Variants in ADGRA1 observed in about 807,000 individuals in gnomAD.
ADGRA1 encodes adhesion G protein-coupled receptor A1.
A neutral mutation model predicts 21.3 loss-of-function variants in ADGRA1; 12 were observed. That is an observed-to-expected ratio of 0.56 (90% CI 0.36 to 0.91). ADGRA1 has a LOEUF of 0.91. Ranked by LOEUF, ADGRA1 falls within the 40% of genes least tolerant of loss-of-function variation. The pLI, the probability that ADGRA1 is intolerant of heterozygous loss-of-function variation, is 0.01. For synonymous variants in ADGRA1, 385 were observed against 368.8 expected, an observed-to-expected ratio of 1.04 and a Z score of -0.50; for missense variants, 790 against 805.6, an observed-to-expected ratio of 0.98 and a Z score of 0.23.
rs368275032 is a variant in ADGRA1, at chr10:133,098,884, G to A, written c.255+121G>A. ...TTTCCCGGGAAGAGGGTCGGACCCT[G>A]GCACATCGGTGTCTCGGCTTCACGC... On this transcript the variant is annotated intron_variant, in intron 4 of 6. Transcript: ENST00000392607. The A allele has an allele frequency of 1.5e-3, 1,958 of 1,329,742 alleles. 51 individuals carry two copies. The South Asian group carries it at 0.026, about 17-fold the overall frequency. 82.4% of individuals were successfully genotyped at this position (1,329,742 alleles called of 1,614,324 possible).
At chr10:133,122,322 G>A (rs980611542) in intron 5 of ADGRA1, among the ~76,000 whole-genome samples, 3 of 152,162 alleles carry the variant, frequency 2.0e-5, no homozygotes, top group Non-Finnish European at 2.9e-5. Flanking sequence ...TGCAGTCTGC[G>A]TCCTCGCCCC....
chr10:133,104,942 C>T (rs1017376099), intron 5 of ADGRA1, among the ~76,000 whole-genome samples: 6 of 152,210 alleles, frequency 3.9e-5, no homozygotes, highest in African/African-American at 1.2e-4. Context: ...TTTCTCCCCA[C>T]ACCCCGAAGG....
chr10:133,111,382 A>G (rs866382316), intron 5 of ADGRA1, among the ~76,000 whole-genome samples: 5 of 85,204 alleles, frequency 5.9e-5, no homozygotes, highest in Admixed American at 2.3e-4. Context: ...CAACCTGCCC[A>G]CCACGGACAC....
chr10:133,096,883 G>C, intron 2 of ADGRA1, 91 bp from the exon 3 acceptor site: 2 of 1,474,122 alleles, frequency 1.4e-6, no homozygotes, highest in Non-Finnish European at 1.8e-6. Flanking sequence ...GGCTGCAGGG[G>C]AAGCCGAGCC....
intron 5 of ADGRA1, among the ~76,000 whole-genome samples, chr10:133,119,519 G>A (rs1312261143): frequency 2.6e-5 from 4 of 152,218 alleles, no homozygotes; most frequent in African/African-American, 9.7e-5. Flanking sequence ...TTCAAAACTG[G>A]AGTCATCCTC....
At chr10:133,124,534 G>C (rs1852338614) in intron 5 of ADGRA1, among the ~76,000 whole-genome samples, 1 of 152,262 alleles carries the variant, frequency 6.6e-6, no homozygotes, top group Non-Finnish European at 1.5e-5. Flanking sequence ...CCAACGCTGG[G>C]CACCTGGGCA....
At chr10:133,128,198 A>G (rs1852419518) in intron 6 of ADGRA1, 131 bp from the exon 7 acceptor site, 1 of 631,716 alleles carries the variant, frequency 1.6e-6, no homozygotes, top group East Asian at 3.1e-5. Context: ...AGAAACGCCC[A>G]AGGCCCCCAA....
chr10:133,129,775 T>G lies in ADGRA1; in HGVS notation c.*264T>G. On this transcript the variant is annotated 3_prime_UTR_variant, in exon 7 of 7. Coordinates refer to ENST00000392607, the MANE Select transcript of ADGRA1 (RefSeq NM_001083909.3). ...GCCACGCCCACTCCCCTTATCCCAA[T>G]TCCGCGTGCTGGTCCCGCACACGGT... 2.3e-5 allele frequency: 10 copies of G among 437,436 alleles called. No homozygotes were observed. The highest frequency in any genetic ancestry group is 3.4e-5 in the Non-Finnish European group (8 of 237,612). The allele number at this position is 437,436 out of a possible 1,614,324, so 27.1% of individuals were successfully genotyped here.
chr10:133,089,365 A>G (rs1182346373), intron 2 of ADGRA1, among the ~76,000 whole-genome samples: 2 of 152,168 alleles, frequency 1.3e-5, no homozygotes, highest in Non-Finnish European at 2.9e-5. Context: ...GGTGGGCTTC[A>G]GCAGTGGAGG....
At chr10:133,117,409 G>A (rs1470631821) in intron 5 of ADGRA1, among the ~76,000 whole-genome samples, 1 of 152,234 alleles carries the variant, frequency 6.6e-6, no homozygotes, top group Non-Finnish European at 1.5e-5. Context: ...CCAGCCTGGA[G>A]CCCCACAGAG....
At position 133,088,735 on chromosome 10, in the gene ADGRA1, C is replaced by A; in HGVS notation, c.-175C>A. 1.6e-6 allele frequency: 2 copies of A among 1,230,502 alleles called. No homozygotes were observed. Among genetic ancestry groups the A allele is most frequent in the Non-Finnish European group, 2.0e-6 (2 of 987,480 alleles). The allele number at this position is 1,230,502 out of a possible 1,614,324, so 76.2% of individuals were successfully genotyped here. ...GGGAGCAGCTCCCGGACTGCGCCCG[C>A]CCCGCCGCGGTCACCCTGAGGCCAG... On this transcript the variant is annotated 5_prime_UTR_variant, in exon 2 of 7. Coordinates refer to ENST00000392607, the MANE Select transcript of ADGRA1 (RefSeq NM_001083909.3).
chr10:133,123,240 C>T (rs1164024740), intron 5 of ADGRA1, among the ~76,000 whole-genome samples: 2 of 152,230 alleles, frequency 1.3e-5, no homozygotes, highest in Non-Finnish European at 2.9e-5. Flanking sequence ...GCTGGCTGCG[C>T]CGTCCTCTCT....
chr10:133,101,058 G>A (rs750286637), intron 4 of ADGRA1, among the ~76,000 whole-genome samples: 2 of 152,252 alleles, frequency 1.3e-5, no homozygotes, highest in Non-Finnish European at 2.9e-5. Flanking sequence ...GCTGAGGCCA[G>A]GCCAGTTCCG....
intron 1 of ADGRA1, 89 bp downstream of exon 1, chr10:133,088,227 C>T (rs1851535421): frequency 1.9e-6 from 1 of 517,028 alleles, no homozygotes; most frequent in East Asian, 1.5e-4. Context: ...TGACACTGGC[C>T]GCGAGGAAAG....
chr10:133,122,545 CTTTT>C (rs1852291565), intron 5 of ADGRA1, among the ~76,000 whole-genome samples: 1 of 152,240 alleles, frequency 6.6e-6, no homozygotes, highest in Non-Finnish European at 1.5e-5. Flanking sequence ...TCTCTTTCTT[CTTTT>C]CTTTCCTTTC....
chr10:133,089,973 G>A (rs1304564046), intron 2 of ADGRA1, among the ~76,000 whole-genome samples: 3 of 152,074 alleles, frequency 2.0e-5, no homozygotes, highest in African/African-American at 7.2e-5. Flanking sequence ...AACCATCGCT[G>A]TTGCCCCGCA....
chr10:133,104,929 G>T (rs1371826954), intron 5 of ADGRA1, among the ~76,000 whole-genome samples: 1 of 152,166 alleles, frequency 6.6e-6, no homozygotes, highest in Admixed American at 6.5e-5. Flanking sequence ...CTGGAGCGGG[G>T]CCTTTCTCCC....
At position 133,128,618 on chromosome 10, in the gene ADGRA1, T is replaced by C; in HGVS notation, c.790T>C (p.Phe264Leu). 6.2e-7 allele frequency: 1 copy of C among 1,605,728 alleles called. No homozygotes were observed. Residue 264 changes from phenylalanine to leucine, a missense_variant, in exon 7 of 7, where the codon TTC becomes CTC. Physicochemically the swap from Phe to Leu is conservative, Grantham distance 22. Coordinates refer to ENST00000392607, the MANE Select transcript of ADGRA1 (RefSeq NM_001083909.3). Reference sequence around the variant, plus strand: ...GCTGCGCGCCGCCGCCTTCACGCTGTTCCTGTTCACGGCCACGTGGGCCTT... The same window carrying C: ...GCTGCGCGCCGCCGCCTTCACGCTGCTCCTGTTCACGGCCACGTGGGCCTT... ...AQLRAAAFTLFLFTATWAFGA... is the reference protein window; with the variant it reads ...AQLRAAAFTLLLFTATWAFGA...
intron 5 of ADGRA1, among the ~76,000 whole-genome samples, chr10:133,117,833 C>T (rs1852186873): frequency 6.6e-6 from 1 of 152,228 alleles, no homozygotes; most frequent in African/African-American, 2.4e-5. Context: ...GGAGGAGTCC[C>T]TGCCAGGCCC....
Sources: allele counts gnomAD v4.1 joint callset (sites outside exome capture counted in the v4.1 genomes callset), GRCh38; gene constraint gnomAD v4.1.1; transcripts MANE v1.5; gene names NCBI Gene and HGNC (gene_info 2026-07-23, HGNC 2026-07-21).